Variants in TDRD3 observed in about 807,000 individuals in gnomAD.
The protein encoded by TDRD3 is tudor domain containing 3, also known as tudor domain-containing protein 3.
Under a neutral mutation model 86.7 loss-of-function variants are expected in TDRD3, and 45 were observed. That is an observed-to-expected ratio of 0.52 (90% CI 0.41 to 0.67). TDRD3 has a LOEUF of 0.67. TDRD3 is among the 30% of genes least tolerant of loss of function. The pLI, the probability that TDRD3 is intolerant of heterozygous loss-of-function variation, is 0.00. For synonymous variants in TDRD3, 298 were observed against 301.7 expected, an observed-to-expected ratio of 0.99 and a Z score of 0.13; for missense variants, 814 against 889.0, an observed-to-expected ratio of 0.92 and a Z score of 1.07.
At chr13:60,545,464 A>G (rs1957918699) in intron 12 of TDRD3, among the ~76,000 whole-genome samples, 1 of 152,132 alleles carries the variant, frequency 6.6e-6, no homozygotes, top group Non-Finnish European at 1.5e-5. Flanking sequence ...ATACAAAGCA[A>G]GATATTAGAA....
Position 60,528,919 on chromosome 13 carries a change from A to G in TDRD3, c.1694A>G (p.Glu565Gly), listed in dbSNP as rs780133944. 3.1e-6 allele frequency: 5 copies of G among 1,612,846 alleles called. No homozygotes were observed. The highest frequency in any genetic ancestry group is 4.2e-6 in the Non-Finnish European group (5 of 1,179,648). ...NNEAFSGIKIEKHFNVNTDYQ... is the reference protein window; with the variant it reads ...NNEAFSGIKIGKHFNVNTDYQ... ...GAAGCTTTCAGTGGTATAAAAATTG[A>G]AAAACATTTTAATGTAAATACTGAT... The change falls in exon 11 of 14, where the codon GAA becomes GGA. Residue 565 changes from glutamate to glycine, a missense_variant. Glu to Gly is a moderately conservative substitution (Grantham distance 98, BLOSUM62 -2). Coordinates refer to ENST00000377881, the MANE Select transcript of TDRD3 (RefSeq NM_001146070.2).
rs1028195516 is a variant in TDRD3 at position 60,542,949 on chromosome 13, C to G, written c.2118+7716C>G. ...TTCTAGCATCGTGTATAATGGGTTT[C>G]ACTGTCATACCTCTAGTAAAAGAGT... On this transcript the variant is annotated intron_variant, in intron 12 of 13. Coordinates refer to ENST00000377881, the MANE Select transcript of TDRD3 (RefSeq NM_001146070.2). Among the ~76,000 whole-genome samples, 3 of 152,102 alleles carry G rather than the reference C, an allele frequency of 2.0e-5. No homozygotes were observed. In the East Asian group the frequency reaches 5.8e-4, roughly 29 times the overall value.
At chr13:60,550,432 A>C (rs909678144) in intron 12 of TDRD3, among the ~76,000 whole-genome samples, 1 of 152,210 alleles carries the variant, frequency 6.6e-6, no homozygotes, top group Admixed American at 6.5e-5. Context: ...CTCAATAGTC[A>C]TGTTCTTGGA....
intron 4 of TDRD3, among the ~76,000 whole-genome samples, chr13:60,463,316 C>T (rs1955840877): frequency 7.1e-6 from 1 of 141,226 alleles, no homozygotes; most frequent in South Asian, 2.3e-4. Flanking sequence ...GAGCTGAGAA[C>T]ACACCATTGC....
intron 1 of TDRD3, among the ~76,000 whole-genome samples, chr13:60,413,166 G>A (rs1393500766): frequency 2.6e-5 from 4 of 151,954 alleles, no homozygotes; most frequent in Non-Finnish European, 5.9e-5. Flanking sequence ...GTTTGAAACT[G>A]AGATGTGTAA....
intron 12 of TDRD3, among the ~76,000 whole-genome samples, chr13:60,551,811 C>T (rs151087418): frequency 8.6e-4 from 131 of 152,236 alleles, no homozygotes; most frequent in Admixed American, 1.5e-3. Context: ...GAGAAACAAG[C>T]ACCTTCTTCA....
chr13:60,444,934 T>C (rs1277433205), intron 3 of TDRD3, among the ~76,000 whole-genome samples, 186 bp downstream of exon 3: 1 of 152,014 alleles, frequency 6.6e-6, no homozygotes, highest in African/African-American at 2.4e-5. Context: ...TTTGGTGACT[T>C]TTCAACATTA....
At chr13:60,439,194 T>G (rs1235629283) in intron 1 of TDRD3, among the ~76,000 whole-genome samples, 1 of 152,164 alleles carries the variant, frequency 6.6e-6, no homozygotes, top group African/African-American at 2.4e-5. Context: ...TTAATAGCCT[T>G]TATTGAAGGA....
At chr13:60,544,201 C>A (rs1239241784) in intron 12 of TDRD3, among the ~76,000 whole-genome samples, 2 of 151,520 alleles carry the variant, frequency 1.3e-5, no homozygotes, top group Non-Finnish European at 1.5e-5. Flanking sequence ...ATAATCCCAA[C>A]ACTTTGGGAG....
intron 10 of TDRD3, among the ~76,000 whole-genome samples, chr13:60,524,834 C>T (rs962252834): frequency 2.6e-5 from 4 of 151,736 alleles, no homozygotes; most frequent in African/African-American, 9.7e-5. Flanking sequence ...CGCAGTGGCT[C>T]ACACCTGTAA....
chr13:60,454,168 C>T (rs1024225459), intron 3 of TDRD3, among the ~76,000 whole-genome samples: 5 of 152,008 alleles, frequency 3.3e-5, no homozygotes, highest in African/African-American at 7.3e-5. Flanking sequence ...AATTCAGTTA[C>T]GTTGTGATCA....
intron 12 of TDRD3, among the ~76,000 whole-genome samples, chr13:60,567,126 G>A (rs993027768): frequency 6.6e-6 from 1 of 152,078 alleles, no homozygotes; most frequent in Non-Finnish European, 1.5e-5. Context: ...TAAATACCTA[G>A]AAACATTTAG....
intron 1 of TDRD3, among the ~76,000 whole-genome samples, chr13:60,418,474 G>A (rs1954578432): frequency 1.3e-5 from 2 of 152,052 alleles, no homozygotes; most frequent in Admixed American, 1.3e-4. Flanking sequence ...TTTGAGGTCA[G>A]TACCATGGTT....
intron 2 of TDRD3, among the ~76,000 whole-genome samples, chr13:60,442,582 T>C (rs544287064): frequency 3.6e-4 from 55 of 152,250 alleles, no homozygotes; most frequent in African/African-American, 1.2e-3. Context: ...GTCTTTATAG[T>C]GTGAATTTAG....
At chr13:60,408,568 G>C (rs1954287828) in intron 1 of TDRD3, among the ~76,000 whole-genome samples, 1 of 152,134 alleles carries the variant, frequency 6.6e-6, no homozygotes, top group South Asian at 2.1e-4. Context: ...GGAACTGGGT[G>C]ACTCTTGTTA....
At chr13:60,477,834 G>A (rs959418433) in intron 5 of TDRD3, among the ~76,000 whole-genome samples, 2 of 152,070 alleles carry the variant, frequency 1.3e-5, no homozygotes, top group African/African-American at 4.8e-5. Flanking sequence ...GAAGTTTTTT[G>A]TTGTTGTTGC....
At chr13:60,476,522 G>A (rs956244741) in intron 5 of TDRD3, among the ~76,000 whole-genome samples, 1 of 152,066 alleles carries the variant, frequency 6.6e-6, no homozygotes, top group Non-Finnish European at 1.5e-5. Flanking sequence ...GCTTAGGATT[G>A]TATTGGTGAT....
At chr13:60,513,690 C>T (rs1392286047) in intron 10 of TDRD3, among the ~76,000 whole-genome samples, 2 of 152,180 alleles carry the variant, frequency 1.3e-5, no homozygotes, top group Non-Finnish European at 2.9e-5. Context: ...CTCATGAGAT[C>T]TGATGGCTTT....
intron 5 of TDRD3, among the ~76,000 whole-genome samples, chr13:60,468,024 TCTGA>T (rs1388438059): frequency 2.6e-5 from 4 of 152,178 alleles, no homozygotes; most frequent in African/African-American, 9.7e-5. Flanking sequence ...GTATTAGCCT[TCTGA>T]CTGTCTATCC....
Sources: allele counts gnomAD v4.1 joint callset (sites outside exome capture counted in the v4.1 genomes callset), GRCh38; gene constraint gnomAD v4.1.1; transcripts MANE v1.5; gene names NCBI Gene and HGNC (gene_info 2026-07-23, HGNC 2026-07-21).